Variants in TBC1D5 observed in about 807,000 individuals in gnomAD.
The protein encoded by TBC1D5 is TBC1 domain family, member 5.
In TBC1D5, 75 loss-of-function variants were observed where a neutral mutation model predicts 100.3. The observed-to-expected ratio is 0.75, with a 90% CI of 0.62 to 0.91. The LOEUF (loss-of-function observed/expected upper bound fraction) is 0.91, where lower values mean the gene tolerates loss of function less well. TBC1D5 is among the 40% of genes least tolerant of loss of function. TBC1D5 has a pLI of 0.00. For missense variants in TBC1D5, 910 were observed against 942.4 expected (o/e 0.97, Z 0.45); for synonymous variants, 323 against 325.6 (o/e 0.99, Z 0.09).
intron 1 of TBC1D5, among the ~76,000 whole-genome samples, chr3:17,675,285 T>C (rs1325509718): frequency 6.6e-6 from 1 of 152,122 alleles, no homozygotes; most frequent in African/African-American, 2.4e-5. Flanking sequence ...CAATCCTTTC[T>C]GTCTTTATAC....
chr3:17,483,724 T>C (rs1260177072), intron 3 of TBC1D5, among the ~76,000 whole-genome samples: 5 of 152,202 alleles, frequency 3.3e-5, no homozygotes, highest in Admixed American at 2.6e-4. Context: ...TACTGCATTT[T>C]TGGGTGAAAT....
chr3:17,724,769 T>G (rs1009322757), intron 1 of TBC1D5, among the ~76,000 whole-genome samples: 1 of 152,212 alleles, frequency 6.6e-6, no homozygotes, highest in Admixed American at 6.5e-5. Flanking sequence ...TTTCTCATTT[T>G]ATGTAATATG....
At chr3:17,490,962 A>T (rs900476142) in intron 3 of TBC1D5, among the ~76,000 whole-genome samples, 2 of 152,024 alleles carry the variant, frequency 1.3e-5, no homozygotes, top group African/African-American at 4.8e-5. Context: ...TTTTCCATTT[A>T]TTTGTGTCCT....
chr3:17,706,274 A>G (rs910624688), intron 1 of TBC1D5: 46 of 1,545,278 alleles, frequency 3.0e-5, no homozygotes, highest in East Asian at 7.3e-5. Context: ...ACTCAGCTCT[A>G]AAGAGTTGAA....
intron 17 of TBC1D5, among the ~76,000 whole-genome samples, chr3:17,228,620 C>T (rs1421053579): frequency 1.3e-5 from 2 of 152,038 alleles, no homozygotes; most frequent in Admixed American, 1.3e-4. Flanking sequence ...GGCAGAGCAA[C>T]TGAAATCCAG....
chr3:17,741,568 T>C (rs1397952426), upstream of TBC1D5, among the ~76,000 whole-genome samples: 1 of 152,240 alleles, frequency 6.6e-6, no homozygotes, highest in African/African-American at 2.4e-5. Context: ...TGTTAAAATC[T>C]TAGGATTTTG....
chr3:17,330,573 C>G (rs1472204987), intron 13 of TBC1D5, among the ~76,000 whole-genome samples: 1 of 152,124 alleles, frequency 6.6e-6, no homozygotes, highest in Non-Finnish European at 1.5e-5. Context: ...AGACAGAACT[C>G]TCCCATTTTC....
At chr3:17,455,309 T>C (rs943009756) in intron 3 of TBC1D5, among the ~76,000 whole-genome samples, 9 of 140,544 alleles carry the variant, frequency 6.4e-5, no homozygotes, top group African/African-American at 2.5e-4. Flanking sequence ...TGTATATATG[T>C]AAATATGTGT....
chr3:17,508,723 G>T, intron 2 of TBC1D5, 118 bp from the exon 3 acceptor site: 1 of 472,652 alleles, frequency 2.1e-6, no homozygotes, highest in Non-Finnish European at 3.8e-6. Flanking sequence ...TTTTTCCCAG[G>T]CTCCAGGGAC....
intron 21 of TBC1D5, among the ~76,000 whole-genome samples, chr3:17,161,918 C>A (rs1359368097): frequency 1.3e-5 from 2 of 152,134 alleles, no homozygotes; most frequent in Non-Finnish European, 2.9e-5. Context: ...ATGTGAAAAC[C>A]AAGAACGGCA....
In TBC1D5 at chr3:17,185,119, G is replaced by A. The variant is rs559090779; in HGVS notation, c.1842C>T (p.Asp614=). 3 of 1,611,786 alleles carry A rather than the reference G, an allele frequency of 1.9e-6. No homozygotes were observed. In the East Asian group the frequency reaches 6.7e-5, roughly 36 times the overall value. ...AAGTAATTCACTTACCAAGATGAGTGTCCATCACCTTTGCACAGTATTTGC... is the reference window on the plus strand; with the variant it reads ...AAGTAATTCACTTACCAAGATGAGTATCCATCACCTTTGCACAGTATTTGC... The change falls in exon 19 of 22, where the codon GAC becomes GAT. Residue 614 remains aspartate (D), a synonymous_variant. Coordinates refer to ENST00000253692, the Ensembl canonical transcript of TBC1D5.
intron 4 of TBC1D5, among the ~76,000 whole-genome samples, chr3:17,416,429 T>C (rs1322871896): frequency 6.6e-6 from 1 of 152,214 alleles, no homozygotes; most frequent in Non-Finnish European, 1.5e-5. Context: ...AAGCTTAAAA[T>C]GTTAAGGATG....
intron 13 of TBC1D5, among the ~76,000 whole-genome samples, chr3:17,318,325 T>C (rs1487913542): frequency 6.6e-6 from 1 of 151,766 alleles, no homozygotes; most frequent in African/African-American, 2.4e-5. Flanking sequence ...CATGTATACA[T>C]ATGTAACAAA....
At chr3:17,179,961 C>T (rs1248547481) in intron 19 of TBC1D5, among the ~76,000 whole-genome samples, 4 of 152,196 alleles carry the variant, frequency 2.6e-5, no homozygotes, top group African/African-American at 9.7e-5. Context: ...CAGCTGCTCA[C>T]AGATCAGACT....
At chr3:17,307,651 G>A (rs1448564080) in intron 14 of TBC1D5, among the ~76,000 whole-genome samples, 9 of 152,110 alleles carry the variant, frequency 5.9e-5, no homozygotes, top group African/African-American at 2.2e-4. Context: ...CCTGTCAGAA[G>A]GTGGAGCTCT....
chr3:17,580,755 A>G (rs1252703727), intron 2 of TBC1D5, among the ~76,000 whole-genome samples: 4 of 151,868 alleles, frequency 2.6e-5, no homozygotes, highest in Non-Finnish European at 5.9e-5. Context: ...TATAAATAAG[A>G]TTTCCCCTCT....
At chr3:17,488,349 T>C (rs114306741) in intron 3 of TBC1D5, among the ~76,000 whole-genome samples, 2 of 152,220 alleles carry the variant, frequency 1.3e-5, no homozygotes, top group Admixed American at 6.6e-5. Flanking sequence ...ATTGCATACA[T>C]GTACCAGAGT....
intron 1 of TBC1D5, among the ~76,000 whole-genome samples, chr3:17,634,504 A>C (rs1213164402): frequency 1.3e-5 from 2 of 152,010 alleles, no homozygotes; most frequent in African/African-American, 2.4e-5. Flanking sequence ...GTTCTCACTT[A>C]TTTGTGGGAT....
intron 9 of TBC1D5, among the ~76,000 whole-genome samples, chr3:17,379,116 G>A (rs1296063399): frequency 6.8e-6 from 1 of 147,050 alleles, no homozygotes; most frequent in African/African-American, 2.5e-5. Context: ...AATTTATCTT[G>A]ATGATTCTAT....
Sources: gnomAD v4.1 joint callset for allele counts (sites outside exome capture counted in the v4.1 genomes callset) on GRCh38, gnomAD v4.1.1 for gene constraint, MANE v1.5 for transcripts, NCBI Gene and HGNC (gene_info 2026-07-23, HGNC 2026-07-21) for gene names.